The following PARL variants were observed in gnomAD, a reference collection of about 807,000 sequenced individuals.
PARL encodes the protein presenilin associated rhomboid like.
In PARL, 44 loss-of-function variants were observed where a neutral mutation model predicts 51.6. The observed-to-expected ratio is 0.85, with a 90% confidence interval of 0.67 to 1.10. The LOEUF (loss-of-function observed/expected upper bound fraction) is 1.10, where lower values mean the gene tolerates loss of function less well. Ranked by LOEUF, PARL falls within the 50% of genes least tolerant of loss-of-function variation. The probability of loss-of-function intolerance (pLI) is 0.00; values close to 1 mark genes in which losing one functional copy is unlikely to be tolerated. For missense variants in PARL, 441 were observed against 469.5 expected, an observed-to-expected ratio of 0.94 and a Z score of 0.56; for synonymous variants, 172 against 164.0, an observed-to-expected ratio of 1.05 and a Z score of -0.37.
intron 6 of PARL, among the ~76,000 whole-genome samples, chr3:183,841,521 G>T (rs2108608757): frequency 6.6e-6 from 1 of 152,290 alleles, no homozygotes; most frequent in Admixed American, 6.5e-5. Context: ...GTAGAAATAG[G>T]ATCTGAACCT....
At chr3:183,882,206 A>T (rs1359063404) in intron 1 of PARL, among the ~76,000 whole-genome samples, 3 of 58,836 alleles carry the variant, frequency 5.1e-5, no homozygotes, top group African/African-American at 1.1e-4. Flanking sequence ...AATGTCTCTA[A>T]AAAAAAAAAA....
At chr3:183,878,508 A>G (rs1202270012) in intron 1 of PARL, among the ~76,000 whole-genome samples, 3 of 152,142 alleles carry the variant, frequency 2.0e-5, no homozygotes, top group Admixed American at 6.6e-5. Context: ...CTGGCTATAC[A>G]TTAGAACTGC....
chr3:183,868,234 T>C (rs1732764594), intron 1 of PARL, among the ~76,000 whole-genome samples, 174 bp from the exon 2 acceptor site: 1 of 152,180 alleles, frequency 6.6e-6, no homozygotes, highest in Non-Finnish European at 1.5e-5. Flanking sequence ...ATTCAACCTT[T>C]CTGGAAAAGG....
chr3:183,829,787 G>A, intron 9 of PARL, 78 bp from the exon 10 acceptor site: 1 of 1,183,212 alleles, frequency 8.5e-7, no homozygotes, highest in Middle Eastern at 1.9e-4. Context: ...CAGATCCCAA[G>A]TTGACATTTT....
intron 1 of PARL, among the ~76,000 whole-genome samples, chr3:183,882,223 A>ATATATATATATATATATATATT (rs1240062179): frequency 4.2e-4 from 15 of 35,368 alleles, no homozygotes; most frequent in South Asian, 2.1e-3. Context: ...AAAAAAAAAA[A>ATATATATATATATATATATATT]TATATATATA....
chr3:183,838,319 G>A (rs562379387), intron 7 of PARL, among the ~76,000 whole-genome samples: 53 of 152,290 alleles, frequency 3.5e-4, no homozygotes, highest in Admixed American at 2.5e-3. Context: ...GAGCCACTGT[G>A]CCTGGCTGTC....
chr3:183,863,357 A>C (rs1056300398), intron 3 of PARL, among the ~76,000 whole-genome samples: 1 of 152,138 alleles, frequency 6.6e-6, no homozygotes, highest in Non-Finnish European at 1.5e-5. Flanking sequence ...CAAGGGTGGA[A>C]AGGGAAGGGA....
intron 3 of PARL, among the ~76,000 whole-genome samples, chr3:183,863,814 G>T (rs1214762150): frequency 6.6e-6 from 1 of 152,068 alleles, no homozygotes; most frequent in African/African-American, 2.4e-5. Flanking sequence ...GGGGTTCCCA[G>T]GACTTTCATG....
At chr3:183,835,648 C>T (rs1194392019) in intron 7 of PARL, among the ~76,000 whole-genome samples, 1 of 152,116 alleles carries the variant, frequency 6.6e-6, no homozygotes, top group Non-Finnish European at 1.5e-5. Context: ...AGGTGGATCA[C>T]CTGAGGTCAG....
intron 7 of PARL, among the ~76,000 whole-genome samples, chr3:183,838,986 T>C (rs1728985573): frequency 6.6e-6 from 1 of 152,252 alleles, no homozygotes; most frequent in African/African-American, 2.4e-5. Flanking sequence ...TGATTCATCC[T>C]AGTGGTCTTC....
chr3:183,859,119 C>T (rs185666994), intron 4 of PARL, among the ~76,000 whole-genome samples: 50 of 152,140 alleles, frequency 3.3e-4, no homozygotes, highest in East Asian at 1.2e-3. Context: ...TCCTGGCTAA[C>T]GCGGTGAAAC....
intron 6 of PARL, among the ~76,000 whole-genome samples, chr3:183,841,656 CAGAG>C (rs564877645): frequency 1.3e-5 from 2 of 152,148 alleles, no homozygotes; most frequent in Non-Finnish European, 2.9e-5. Flanking sequence ...ATTTTACAAA[CAGAG>C]AGGTAAGTAA....
At chr3:183,876,820 T>A (rs961817689) in intron 1 of PARL, among the ~76,000 whole-genome samples, 1 of 152,106 alleles carries the variant, frequency 6.6e-6, no homozygotes, top group African/African-American at 2.4e-5. Flanking sequence ...AATACCAACA[T>A]TAACAGTTTA....
chr3:183,876,721 T>G (rs1010777876), intron 1 of PARL, among the ~76,000 whole-genome samples: 6 of 150,808 alleles, frequency 4.0e-5, no homozygotes, highest in Non-Finnish European at 5.9e-5. Context: ...TTCTGATGGA[T>G]CTGGGCAAGG....
intron 4 of PARL, among the ~76,000 whole-genome samples, chr3:183,862,295 T>C (rs183513251): frequency 9.8e-4 from 150 of 152,340 alleles, no homozygotes; most frequent in African/African-American, 3.4e-3. Flanking sequence ...TTTGAAACTC[T>C]GCTCTATTGC....
intron 7 of PARL, among the ~76,000 whole-genome samples, chr3:183,839,343 T>A (rs375337973): frequency 1.8e-4 from 28 of 152,288 alleles, no homozygotes; most frequent in African/African-American, 6.3e-4. Flanking sequence ...TAAGGAAATA[T>A]TACATAAAGA....
intron 4 of PARL, among the ~76,000 whole-genome samples, chr3:183,851,663 C>A (rs1315758445): frequency 1.3e-5 from 2 of 151,672 alleles, no homozygotes; most frequent in Non-Finnish European, 2.9e-5. Flanking sequence ...CAAATCATAT[C>A]CAATAAGGGA....
intron 4 of PARL, chr3:183,844,532 G>C (rs1218374471): frequency 5.7e-6 from 3 of 527,346 alleles, no homozygotes; most frequent in Non-Finnish European, 3.4e-6. Context: ...CAGAATTCCT[G>C]GGAAATTGTA....
intron 1 of PARL, among the ~76,000 whole-genome samples, chr3:183,873,689 C>T (rs1733477021): frequency 6.6e-6 from 1 of 152,088 alleles, no homozygotes; most frequent in East Asian, 1.9e-4. Flanking sequence ...CAGCTTAATA[C>T]TACACAATCA....
Sources: allele counts gnomAD v4.1 joint callset (sites outside exome capture counted in the v4.1 genomes callset), GRCh38; gene constraint gnomAD v4.1.1; transcripts MANE v1.5; gene names NCBI Gene and HGNC (gene_info 2026-07-23, HGNC 2026-07-21).